Variants in PKHD1 observed in about 807,000 individuals in gnomAD.
PKHD1 encodes PKHD1 ciliary IPT domain containing fibrocystin/polyductin, also known as fibrocystin.
PKHD1 carries 291 observed loss-of-function variants against 412.0 expected under a neutral mutation model. That is an observed-to-expected ratio of 0.71 (90% CI 0.64 to 0.78). The LOEUF (loss-of-function observed/expected upper bound fraction) is 0.78. PKHD1 is among the 30% of genes least tolerant of loss of function. The pLI, the probability that PKHD1 is intolerant of heterozygous loss-of-function variation, is 0.00. For missense variants in PKHD1, 4,825 were observed against 4,950.7 expected, an observed-to-expected ratio of 0.97 and a Z score of 0.76; for synonymous variants, 1,777 against 1,821.5, an observed-to-expected ratio of 0.98 and a Z score of 0.62.
rs562927387 is a variant in PKHD1 at position 51,770,825 on chromosome 6, C to T, written c.8642+1877G>A. Reference sequence around the variant, plus strand: ...AAGATTCATTTATGTGTCATATTTGCTAAGCTATTATACACAGTTACTCAA... The same window carrying T: ...AAGATTCATTTATGTGTCATATTTGTTAAGCTATTATACACAGTTACTCAA... On this transcript the variant is annotated intron_variant, in intron 55 of 66. Transcript: ENST00000371117. 1.8e-4 allele frequency among the ~76,000 whole-genome samples: 28 copies of T among 152,024 alleles called. No homozygotes were observed. In the East Asian group the frequency reaches 4.8e-3, roughly 26 times the overall value.
intron 53 of PKHD1, among the ~76,000 whole-genome samples, chr6:51,785,824 T>G (rs1792762494): frequency 6.6e-6 from 1 of 152,190 alleles, no homozygotes; most frequent in African/African-American, 2.4e-5. Flanking sequence ...AATTTCACAT[T>G]TGAGCTGATG....
intron 2 of PKHD1, among the ~76,000 whole-genome samples, chr6:52,083,650 C>T (rs1812355171): frequency 6.6e-6 from 1 of 152,162 alleles, no homozygotes; most frequent in Non-Finnish European, 1.5e-5. Context: ...CTTTCCCACT[C>T]TTTAATCAGG....
chr6:52,048,279 C>T (rs970051496), intron 23 of PKHD1, among the ~76,000 whole-genome samples: 1 of 152,222 alleles, frequency 6.6e-6, no homozygotes, highest in Non-Finnish European at 1.5e-5. Flanking sequence ...TATACATCTT[C>T]CGCATCTACA....
At position 52,033,132 on chromosome 6, in the gene PKHD1, T is replaced by C. The variant is rs1303725253; in HGVS notation, c.3262A>G (p.Ile1088Val). 1 of 1,612,246 alleles carries C rather than the reference T, an allele frequency of 6.2e-7. No homozygotes were observed. Among genetic ancestry groups the C allele is most frequent in the Non-Finnish European group, 8.5e-7 (1 of 1,178,488 alleles). Residue 1088 changes from isoleucine (I) to valine (V), a missense_variant, in exon 29 of 67, where the codon ATC (isoleucine) becomes GTC (valine). Ile to Val is a conservative substitution (Grantham distance 29). Coordinates refer to ENST00000371117, the MANE Select transcript of PKHD1 (RefSeq NM_138694.4). ...AGAACTGCAGAATAGTCCCCTCTGA[T>C]CACAGTCACATTCACAATGCGTCCA... The part of the protein sequence containing the change: ...KDGRIVNVTV[I>V]RGDYSAVLPR...
intron 52 of PKHD1, among the ~76,000 whole-genome samples, chr6:51,804,017 A>G (rs1763327043): frequency 6.6e-6 from 1 of 151,418 alleles, no homozygotes. Flanking sequence ...AATTGATGGG[A>G]TGAGTTTTGG....
intron 60 of PKHD1, among the ~76,000 whole-genome samples, chr6:51,715,330 ATG>A (rs1289486675): frequency 6.6e-6 from 1 of 152,142 alleles, no homozygotes; most frequent in Non-Finnish European, 1.5e-5. Flanking sequence ...CTCCTTCATT[ATG>A]CTTCTTCCTG....
intron 28 of PKHD1, 51 bp from the exon 29 acceptor site, chr6:52,033,216 C>G (rs1203424666): frequency 1.4e-6 from 2 of 1,433,626 alleles, no homozygotes; most frequent in Admixed American, 3.4e-5. Context: ...TAAAGTAGGA[C>G]TGACTTAAGG....
At chr6:51,797,789 T>G (rs1480122276) in intron 52 of PKHD1, among the ~76,000 whole-genome samples, 2 of 152,314 alleles carry the variant, frequency 1.3e-5, no homozygotes, top group East Asian at 3.9e-4. Context: ...AATTGGGGCA[T>G]TTAGCCCATT....
intron 35 of PKHD1, among the ~76,000 whole-genome samples, chr6:51,983,014 C>T (rs1171503498): frequency 6.6e-6 from 1 of 152,002 alleles, no homozygotes; most frequent in Non-Finnish European, 1.5e-5. Flanking sequence ...GCCCAGGAAG[C>T]CTTTGCAAGA....
chr6:51,932,589 T>G (rs960508973), intron 37 of PKHD1, among the ~76,000 whole-genome samples: 3 of 152,186 alleles, frequency 2.0e-5, no homozygotes, highest in African/African-American at 7.2e-5. Flanking sequence ...GAGCAAACAT[T>G]TGAAAACCAT....
At chr6:52,061,009 T>C (rs1251419468) in intron 14 of PKHD1, among the ~76,000 whole-genome samples, 2 of 152,214 alleles carry the variant, frequency 1.3e-5, no homozygotes, top group East Asian at 1.9e-4. Flanking sequence ...ACACTTACTA[T>C]AGAAGTCAAA....
At chr6:51,885,625 A>T (rs892430668) in intron 45 of PKHD1, among the ~76,000 whole-genome samples, 3 of 152,182 alleles carry the variant, frequency 2.0e-5, no homozygotes, top group Non-Finnish European at 4.4e-5. Context: ...TAGGGTTGCC[A>T]AAAACACCCA....
intron 53 of PKHD1, 71 bp from the exon 54 acceptor site, chr6:51,775,992 A>G: frequency 2.6e-6 from 2 of 763,954 alleles, no homozygotes; most frequent in Non-Finnish European, 4.7e-6. Flanking sequence ...AAATTGCAGT[A>G]TAATTTCAAT....
At chr6:52,081,019 T>C (rs189777580) in intron 4 of PKHD1, among the ~76,000 whole-genome samples, 7 of 152,340 alleles carry the variant, frequency 4.6e-5, no homozygotes, top group East Asian at 1.9e-4. Flanking sequence ...CATGTTTTTA[T>C]GATAATGATG....
chr6:51,847,054 G>A (rs917677226), intron 50 of PKHD1, among the ~76,000 whole-genome samples: 4 of 151,842 alleles, frequency 2.6e-5, no homozygotes, highest in African/African-American at 9.7e-5. Context: ...CAACTTCCTG[G>A]GCTCAAGCTA....
At chr6:51,902,378 T>G (rs1218902165) in intron 43 of PKHD1, among the ~76,000 whole-genome samples, 1 of 152,184 alleles carries the variant, frequency 6.6e-6, no homozygotes, top group Non-Finnish European at 1.5e-5. Flanking sequence ...GCTCCAGCTG[T>G]CCTGGATCTG....
At chr6:51,863,849 AT>A (rs560636519) in intron 48 of PKHD1, among the ~76,000 whole-genome samples, 184 of 152,254 alleles carry the variant, frequency 1.2e-3, no homozygotes, top group African/African-American at 1.6e-3. Flanking sequence ...GCAGTCCACT[AT>A]TTTTTATTTA....
chr6:51,643,989 T>G (rs1386547360), intron 63 of PKHD1, among the ~76,000 whole-genome samples: 1 of 152,000 alleles, frequency 6.6e-6, no homozygotes, highest in African/African-American at 2.4e-5. Flanking sequence ...AAAGTCAAAT[T>G]GAAAAGAGAG....
intron 51 of PKHD1, among the ~76,000 whole-genome samples, chr6:51,831,877 G>A (rs9474100): frequency 6.6e-6 from 1 of 151,850 alleles, no homozygotes; most frequent in Non-Finnish European, 1.5e-5. Flanking sequence ...CTGTCCAATA[G>A]CACATCACGC....
Sources: gnomAD v4.1 joint callset for allele counts (sites outside exome capture counted in the v4.1 genomes callset) on GRCh38, gnomAD v4.1.1 for gene constraint, MANE v1.5 for transcripts, NCBI Gene and HGNC (gene_info 2026-07-23, HGNC 2026-07-21) for gene names.